PIP: variants seen among roughly 807,000 people sequenced by gnomAD.
The protein encoded by PIP is prolactin-inducible protein.
PIP carries 9 observed loss-of-function variants against 12.8 expected under a neutral mutation model. The ratio of observed to expected loss-of-function variants is 0.70; its 90% CI spans 0.42 to 1.23. The LOEUF is 1.23. Among genes scored for constraint, PIP ranks in the 50% most tolerant of loss-of-function variants. The pLI is 0.00. For synonymous variants in PIP, 60 were observed against 66.1 expected (o/e 0.91, Z 0.45); for missense variants, 172 against 179.5 (o/e 0.96, Z 0.24).
At chr7:143,134,166 GAGTAGTAGTATTCCATC>G (rs1290057867) in intron 1 of PIP, among the ~76,000 whole-genome samples, 6 of 124,666 alleles carry the variant, frequency 4.8e-5, no homozygotes, top group African/African-American at 1.8e-4. Flanking sequence ...TATTATGGCT[GAGTAGTAGTATTCCATC>G]ATATATATAT....
intron 1 of PIP, 94 bp from the exon 2 acceptor site, chr7:143,135,100 C>A: frequency 3.3e-6 from 2 of 607,910 alleles, no homozygotes; most frequent in Non-Finnish European, 6.1e-6. Flanking sequence ...CCCTCCCTTG[C>A]CCATCCTGTG....
In PIP at chr7:143,139,695, G is replaced by T; in HGVS notation, c.*53G>T. On this transcript the variant is annotated 3_prime_UTR_variant, in exon 4 of 4. Coordinates refer to ENST00000291009, the MANE Select transcript of PIP (RefSeq NM_002652.3). ...AGGTGATTTCCTCTAAAGAAACTTGGCTGGAATTTCTGCTGTGGTCTATAA... is the reference window on the plus strand; with the variant it reads ...AGGTGATTTCCTCTAAAGAAACTTGTCTGGAATTTCTGCTGTGGTCTATAA... The T allele has an allele frequency of 6.4e-7, 1 of 1,554,708 alleles. No individual in the cohort carries two copies. The highest frequency in any genetic ancestry group is 8.8e-7 in the Non-Finnish European group (1 of 1,132,950).
chr7:143,132,325 T>A (rs765132631), intron 1 of PIP, 114 bp downstream of exon 1: 3 of 1,173,158 alleles, frequency 2.6e-6, no homozygotes, highest in Non-Finnish European at 3.7e-6. Flanking sequence ...AGAACTCTAG[T>A]CCCAGGAGCT....
At chr7:143,137,220 G>A (rs193023369) in intron 2 of PIP, among the ~76,000 whole-genome samples, 29 of 152,134 alleles carry the variant, frequency 1.9e-4, no homozygotes, top group African/African-American at 6.7e-4. Context: ...CATTTCGTTG[G>A]TTTCATGAAG....
At chr7:143,134,079 C>T (rs536034021) in intron 1 of PIP, among the ~76,000 whole-genome samples, 1 of 150,312 alleles carries the variant, frequency 6.7e-6, no homozygotes, top group African/African-American at 2.4e-5. Context: ...TTTGGTTTTC[C>T]ATTACTGAGT....
rs988011177 is a variant in PIP, at chr7:143,139,172, G to A, written c.299G>A (p.Trp100Ter). The A allele has an allele frequency of 1.9e-6, 3 of 1,581,310 alleles. No individual in the cohort carries two copies. The highest frequency in any genetic ancestry group is 1.7e-5 in the Admixed American group (1 of 59,956). The change falls in exon 3 of 4, where the codon TGG becomes TAG. Residue 100 changes from tryptophan (W) to a stop codon, truncating the protein, a stop_gained. Coordinates refer to ENST00000291009, the MANE Select transcript of PIP (RefSeq NM_002652.3). LOFTEE classifies it low-confidence loss of function (END_TRUNC). ...LCDDNPKTFY[W>*]DFYTNRTVQI... Reference sequence around the variant, plus strand: ...GACGACAATCCAAAAACCTTCTACTGGGACTTTTACACCAACAGTAAGTAC... The same window carrying A: ...GACGACAATCCAAAAACCTTCTACTAGGACTTTTACACCAACAGTAAGTAC...
chr7:143,132,501 T>C (rs897018797), intron 1 of PIP, among the ~76,000 whole-genome samples: 1 of 152,142 alleles, frequency 6.6e-6, no homozygotes, highest in African/African-American at 2.4e-5. Flanking sequence ...CTGATCCACA[T>C]CTTGTTCATA....
At position 143,133,074 on chromosome 7, in the gene PIP, C is replaced by T. The variant is rs1323564502; in HGVS notation, c.95+863C>T. Among the ~76,000 whole-genome samples the T allele has an allele frequency of 1.3e-5, 2 of 151,892 alleles. 1 individual carries two copies. The highest frequency in any genetic ancestry group is 2.9e-5 in the Non-Finnish European group (2 of 67,936). On this transcript the variant is annotated intron_variant, in intron 1 of 3. Coordinates refer to ENST00000291009, the MANE Select transcript of PIP (RefSeq NM_002652.3). ...CCCTGCATGGGGACAGGTTCAGATC[C>T]CACCCCATTCCCGCCAGATGACAGT...
Position 143,138,559 on chromosome 7 carries a change from C to T in PIP, c.202-516C>T, listed in dbSNP as rs368463909. Among the ~76,000 whole-genome samples the T allele has an allele frequency of 5.3e-5, 8 of 152,278 alleles. No individual in the cohort carries two copies. In the East Asian group the frequency reaches 1.2e-3, roughly 22 times the overall value. On this transcript the variant is annotated intron_variant, in intron 2 of 3. Coordinates refer to ENST00000291009, the MANE Select transcript of PIP (RefSeq NM_002652.3). ...CAGGTTTGGTAGTTAATTGTTTCCACCTCATACCTGAGGAAAGTGAGAGTG... is the reference window on the plus strand; with the variant it reads ...CAGGTTTGGTAGTTAATTGTTTCCATCTCATACCTGAGGAAAGTGAGAGTG...
chr7:143,137,506 G>A (rs1169024981), intron 2 of PIP, among the ~76,000 whole-genome samples: 3 of 152,220 alleles, frequency 2.0e-5, no homozygotes, highest in Middle Eastern at 3.4e-3. Flanking sequence ...TTGGCAACAC[G>A]TCCCACGTGC....
rs1454507753 is a variant in PIP, at chr7:143,139,472, A to T, written c.317-46A>T. 5.0e-6 allele frequency: 8 copies of T among 1,604,346 alleles called. No individual in the cohort carries two copies. In the African/African-American group the frequency reaches 1.1e-4, roughly 21 times the overall value. ...CTGATATGAGTAGAAAAGACAGGACATGGCCGGGGTGTCTGAGAGATGATC... is the reference window on the plus strand; with the variant it reads ...CTGATATGAGTAGAAAAGACAGGACTTGGCCGGGGTGTCTGAGAGATGATC... On this transcript the variant is annotated intron_variant, in intron 3 of 3. Transcript: ENST00000291009.
chr7:143,136,849 T>A (rs1242106614), intron 2 of PIP, among the ~76,000 whole-genome samples: 1 of 151,960 alleles, frequency 6.6e-6, no homozygotes, highest in Non-Finnish European at 1.5e-5. Flanking sequence ...ATAAGAAATC[T>A]TTAGACTAAC....
chr7:143,132,090 G>A lies in PIP; in HGVS notation c.-27G>A. The A allele has an allele frequency of 6.2e-7, 1 of 1,612,540 alleles. No homozygotes were observed. The highest frequency in any genetic ancestry group is 8.5e-7 in the Non-Finnish European group (1 of 1,178,966). On this transcript the variant is annotated 5_prime_UTR_variant, in exon 1 of 4. Transcript: ENST00000291009. The stretch of plus-strand genomic sequence containing the variant: ...GGCACCTGGGACACCACTTCTCTGG[G>A]ACACATTGCCTTCTGTTTTCTCCAG...
chr7:143,139,531 T>C lies in PIP; in HGVS notation c.330T>C (p.Ile110=), dbSNP rs763388284. The C allele has an allele frequency of 1.4e-5, 23 of 1,613,340 alleles. No homozygotes were observed. Among genetic ancestry groups the C allele is most frequent in the Middle Eastern group, 1.6e-4 (1 of 6,082 alleles). The change falls in exon 4 of 4, where the codon ATT becomes ATC. Residue 110 remains isoleucine, a synonymous_variant. Coordinates refer to ENST00000291009, the MANE Select transcript of PIP (RefSeq NM_002652.3). ...TGTCTTTTTCAGGAACTGTGCAAAT[T>C]GCAGCCGTCGTTGATGTTATTCGGG... ...WDFYTNRTVQ[I]AAVVDVIREL...
At chr7:143,137,106 A>G (rs1403701640) in intron 2 of PIP, among the ~76,000 whole-genome samples, 1 of 152,058 alleles carries the variant, frequency 6.6e-6, no homozygotes, top group Non-Finnish European at 1.5e-5. Context: ...ATTAGAATAG[A>G]ATATACCTAC....
chr7:143,138,237 T>C (rs1226187155), intron 2 of PIP, among the ~76,000 whole-genome samples: 1 of 152,112 alleles, frequency 6.6e-6, no homozygotes, highest in Non-Finnish European at 1.5e-5. Flanking sequence ...ATACTGCTAA[T>C]GGCACTGTGG....
chr7:143,139,138 T>C lies in PIP; in HGVS notation c.265T>C (p.Cys89Arg), dbSNP rs1017282933. ...TGCATTTAACTATAAGTATACTGCC[T>C]GCCTATGTGACGACAATCCAAAAAC... ...QGAFNYKYTA[C>R]LCDDNPKTFY... The change falls in exon 3 of 4, where the codon TGC becomes CGC. Residue 89 changes from cysteine to arginine, a missense_variant. Physicochemically the swap from Cys to Arg is radical, Grantham distance 180. Coordinates refer to ENST00000291009, the MANE Select transcript of PIP (RefSeq NM_002652.3). 6.2e-6 allele frequency: 10 copies of C among 1,606,452 alleles called. No homozygotes were observed. In the African/African-American group the frequency reaches 9.4e-5, roughly 15 times the overall value.
At chr7:143,136,149 G>C (rs1215541443) in intron 2 of PIP, among the ~76,000 whole-genome samples, 2 of 151,910 alleles carry the variant, frequency 1.3e-5, no homozygotes, top group Admixed American at 6.6e-5. Flanking sequence ...TCTTCCCTGG[G>C]ACACTGGTTG....
chr7:143,138,631 ATGG>A (rs1328424527), intron 2 of PIP, among the ~76,000 whole-genome samples: 2 of 152,256 alleles, frequency 1.3e-5, no homozygotes, highest in East Asian at 3.9e-4. Flanking sequence ...AGGAGCACAG[ATGG>A]GGCTTGGTCA....
Sources: gnomAD v4.1 joint callset for allele counts (sites outside exome capture counted in the v4.1 genomes callset) on GRCh38, gnomAD v4.1.1 for gene constraint, MANE v1.5 for transcripts, NCBI Gene and HGNC (gene_info 2026-07-23, HGNC 2026-07-21) for gene names.